Variants in ITIH4 observed in about 807,000 individuals in gnomAD.
ITIH4 encodes the protein inter-alpha-trypsin inhibitor heavy chain 4, also known as inter-alpha-trypsin inhibitor heavy chain H4.
Under a neutral mutation model 111.8 loss-of-function variants are expected in ITIH4, and 79 were observed. The ratio of observed to expected loss-of-function variants is 0.71; its 90% CI spans 0.59 to 0.85. ITIH4 has a LOEUF of 0.85. ITIH4 is among the 40% of genes least tolerant of loss of function. The pLI is 0.00. For synonymous variants in ITIH4, 472 were observed against 468.3 expected (o/e 1.01, Z -0.10); for missense variants, 1,065 against 1,195.8 (o/e 0.89, Z 1.61).
chr3:52,818,574 A>C, intron 17 of ITIH4, 38 bp from the exon 18 acceptor site: 1 of 1,563,112 alleles, frequency 6.4e-7, no homozygotes, highest in Non-Finnish European at 8.7e-7. Context: ...AGGGAGCAGG[A>C]AGGCAGTCAG....
chr3:52,823,857 A>C lies in ITIH4; in HGVS notation c.1319T>G (p.Ile440Ser). Residue 440 changes from isoleucine to serine, a missense_variant, in exon 10 of 24, where the codon ATC (isoleucine) becomes AGC (serine). Ile to Ser is a moderately radical substitution (Grantham distance 142, BLOSUM62 -2). Transcript: ENST00000266041. The part of the protein sequence containing the change: ...ALDNGGLARR[I>S]HEDSDSALQL... ...CAGGGCAGAGTCTGAGTCCTCATGG[A>C]TGCGCCGGGCCAGGCCGCCATTGTC... 6.2e-7 allele frequency: 1 copy of C among 1,613,794 alleles called. No individual in the cohort carries two copies. Among genetic ancestry groups the C allele is most frequent in the Non-Finnish European group, 8.5e-7 (1 of 1,179,982 alleles).
intron 17 of ITIH4, 139 bp downstream of exon 17, chr3:52,819,254 A>C: frequency 1.1e-6 from 1 of 932,178 alleles, no homozygotes; most frequent in East Asian, 2.7e-5. Flanking sequence ...ACTGACCCAC[A>C]ATTACTTCAC....
At chr3:52,818,818 G>C (rs1472149672) in intron 17 of ITIH4, 2 of 482,862 alleles carry the variant, frequency 4.1e-6, no homozygotes, top group East Asian at 7.7e-5. Context: ...TTCCTAGAAG[G>C]TTTCCTCATG....
In ITIH4 at chr3:52,813,414, A is replaced by G. The variant is rs1006562619; in HGVS notation, c.*7T>C. Reference sequence around the variant, plus strand: ...GTACAGGGTGGGCACAGCTCCTTCCATCAGAACTACAGCTCCACAGACCAG... The same window carrying G: ...GTACAGGGTGGGCACAGCTCCTTCCGTCAGAACTACAGCTCCACAGACCAG... On this transcript the variant is annotated 3_prime_UTR_variant, in exon 24 of 24. Transcript: ENST00000266041. 1 of 1,613,816 alleles carries G rather than the reference A, an allele frequency of 6.2e-7. No individual in the cohort carries two copies. Among genetic ancestry groups the G allele is most frequent in the South Asian group, 1.1e-5 (1 of 91,078 alleles).
chr3:52,816,716 C>T (rs549235066), intron 21 of ITIH4, among the ~76,000 whole-genome samples, 168 bp downstream of exon 21: 10 of 152,286 alleles, frequency 6.6e-5, no homozygotes, highest in Non-Finnish European at 1.0e-4. Flanking sequence ...TCCTCAGTGC[C>T]CTCCGGAGCT....
At position 52,814,239 on chromosome 3, in the gene ITIH4, G is replaced by C. The variant is rs368376301; in HGVS notation, c.2596C>G (p.Arg866Gly). Residue 866 changes from arginine (R) to glycine (G), a missense_variant, in exon 22 of 24, where the codon CGC (arginine) becomes GGC (glycine). Coordinates refer to ENST00000266041, the MANE Select transcript of ITIH4 (RefSeq NM_002218.5). ...GLRLLLRDTD[R>G]FSSHVGGTLG... ...GTCCCTCCAACGTGGCTGGAGAAGC[G>C]GTCAGTGTCACGCAGAAGGAGCCGG... The C allele has an allele frequency of 6.2e-7, 1 of 1,613,488 alleles. No homozygotes were observed. The highest frequency in any genetic ancestry group is 1.3e-5 in the African/African-American group (1 of 74,916).
Position 52,824,237 on chromosome 3 carries a change from C to A in ITIH4, c.1124G>T (p.Gly375Val). 1 of 1,613,478 alleles carries A rather than the reference C, an allele frequency of 6.2e-7. No individual in the cohort carries two copies. The highest frequency in any genetic ancestry group is 1.7e-5 in the Admixed American group (1 of 60,020). The change falls in exon 9 of 24, where the codon GGG becomes GTG. Residue 375 changes from glycine to valine, a missense_variant. Physicochemically the swap from Gly to Val is moderately radical, Grantham distance 109 (BLOSUM62 -3). Transcript: ENST00000266041. This position sits in a 1 kb window ranked among gnomAD's most constrained non-coding sequence, Gnocchi z 4.3. ...SSNQEERLPE[G>V]SVSLIILLTD... ...GAGCAGGATGATGAGTGAGACACTCCCTTCGGGCAGCCGCTCCTCCTGGTT... is the reference window on the plus strand; with the variant it reads ...GAGCAGGATGATGAGTGAGACACTCACTTCGGGCAGCCGCTCCTCCTGGTT...
At chr3:52,818,744 ATT>A in intron 17 of ITIH4, 1 of 587,238 alleles carries the variant, frequency 1.7e-6, no homozygotes, top group South Asian at 2.1e-5. Flanking sequence ...TCGAGTGCAG[ATT>A]TGGGGATCAG....
chr3:52,823,223 A>G (rs897036653), intron 11 of ITIH4: 1 of 236,262 alleles, frequency 4.2e-6, no homozygotes, highest in African/African-American at 2.3e-5. Flanking sequence ...CCTGGAGCTC[A>G]GTCTGCTCAT....
At chr3:52,821,894 C>T (rs1036640699) in intron 11 of ITIH4, among the ~76,000 whole-genome samples, 1 of 152,214 alleles carries the variant, frequency 6.6e-6, no homozygotes, top group African/African-American at 2.4e-5. Flanking sequence ...CAGCCTGTCT[C>T]TCGCCCAGAG....
chr3:52,821,129 G>A lies in ITIH4; in HGVS notation c.1541C>T (p.Pro514Leu). ...CGTTTGGAAAGTGATGTTCTGTGTA[G>A]GCTGGAAAGAGGGGCCCAGCCAGGG... ...VLTATVSGKL[P>L]TQNITFQTES... Residue 514 changes from proline to leucine, a missense_variant and splice_region_variant, in exon 12 of 24, where the codon CCT (proline) becomes CTT (leucine). Transcript: ENST00000266041. 2.5e-6 allele frequency: 4 copies of A among 1,613,036 alleles called. No individual in the cohort carries two copies. The highest frequency in any genetic ancestry group is 3.4e-6 in the Non-Finnish European group (4 of 1,179,884).
chr3:52,829,822 T>A (rs1700539763), intron 1 of ITIH4: 1 of 159,250 alleles, frequency 6.3e-6, no homozygotes, highest in Admixed American at 5.9e-5. Context: ...TAGACTAGAG[T>A]CTGGTCTCTG....
At chr3:52,828,351 G>T (rs543259190) in intron 2 of ITIH4, among the ~76,000 whole-genome samples, 1 of 152,220 alleles carries the variant, frequency 6.6e-6, no homozygotes, top group African/African-American at 2.4e-5. Flanking sequence ...TAGAGGCTGC[G>T]GTGGAGTGGG....
At chr3:52,823,527 C>A (rs905292169) in intron 11 of ITIH4, 29 bp downstream of exon 11, 66 of 1,552,190 alleles carry the variant, frequency 4.3e-5, no homozygotes, top group Non-Finnish European at 5.6e-5. Flanking sequence ...GCTGCCATTC[C>A]CCTCCAGGGT....
At position 52,830,539 on chromosome 3, in the gene ITIH4, T is replaced by C; in HGVS notation, c.90+14A>G. On this transcript the variant is annotated intron_variant, in intron 1 of 23. Transcript: ENST00000266041. ...CATCCCCCAGCTCACGCCACACCCA[T>C]GGACACTGGCTACCTTTTCGGCAGT... is the stretch of plus-strand genomic sequence containing the variant. 6.2e-7 allele frequency: 1 copy of C among 1,612,756 alleles called. No individual in the cohort carries two copies. The highest frequency in any genetic ancestry group is 1.7e-5 in the Admixed American group (1 of 60,014).
chr3:52,816,733 GTATAT>G (rs1700282867), intron 21 of ITIH4, 146 bp downstream of exon 21: 1 of 747,836 alleles, frequency 1.3e-6, no homozygotes, highest in African/African-American at 1.7e-5. Flanking sequence ...AGCTGCAGGG[GTATAT>G]GGCAGGGCTC....
At chr3:52,828,415 C>T (rs1167858607) in intron 2 of ITIH4, among the ~76,000 whole-genome samples, 1 of 152,216 alleles carries the variant, frequency 6.6e-6, no homozygotes, top group Non-Finnish European at 1.5e-5. Context: ...TTTCCAGAGG[C>T]CACAGTGTGG....
chr3:52,817,975 C>G, intron 20 of ITIH4, 77 bp downstream of exon 20: 1 of 1,126,012 alleles, frequency 8.9e-7, no homozygotes, highest in South Asian at 1.3e-5. Flanking sequence ...AGCCTGCACG[C>G]GCTGTGTGTG....
At chr3:52,817,134 CT>C (rs1485996230) in intron 20 of ITIH4, 76 bp from the exon 21 acceptor site, 26 of 1,257,058 alleles carry the variant, frequency 2.1e-5, no homozygotes, top group East Asian at 1.6e-4. Context: ...GGAGTCCCCC[CT>C]GATCACACCC....
Sources: gnomAD v4.1 joint callset for allele counts (sites outside exome capture counted in the v4.1 genomes callset) on GRCh38, gnomAD v4.1.1 for gene constraint, Gnocchi (gnomAD v3.1) non-coding constraint, MANE v1.5 for transcripts, NCBI Gene and HGNC (gene_info 2026-07-23, HGNC 2026-07-21) for gene names.